Variants in BMP2K observed in about 807,000 individuals in gnomAD.
The protein encoded by BMP2K is BMP-2-inducible protein kinase.
A neutral mutation model predicts 116.0 loss-of-function variants in BMP2K; 74 were observed. The observed-to-expected ratio is 0.64, with a 90% confidence interval of 0.53 to 0.77. BMP2K has a LOEUF of 0.77. BMP2K is among the 30% of genes least tolerant of loss of function. The pLI is 0.00. For synonymous variants in BMP2K, 486 were observed against 502.5 expected (o/e 0.97, Z 0.44); for missense variants, 1,365 against 1,403.6 (o/e 0.97, Z 0.44).
At chr4:78,820,973 T>G (rs1294012517) in intron 1 of BMP2K, among the ~76,000 whole-genome samples, 1 of 152,234 alleles carries the variant, frequency 6.6e-6, no homozygotes, top group African/African-American at 2.4e-5. Flanking sequence ...CTTTAACTTT[T>G]GATTTCTTTA....
rs562337165 is a variant in BMP2K, at chr4:78,796,335, A to G, written c.178+19614A>G. Among the ~76,000 whole-genome samples, 16 of 140,186 alleles carry G rather than the reference A, an allele frequency of 1.1e-4. No individual in the cohort carries two copies. In the East Asian group the frequency reaches 1.7e-3, roughly 15 times the overall value. The allele number at this position is 140,186 out of a possible 152,430, so 92.0% of individuals were successfully genotyped here. A position where few individuals can be genotyped will look rare whatever the true frequency, so the allele number is the denominator to read the frequency against. Reference sequence around the variant, plus strand: ...CTCACTCATAGGTGGGAATTAAACAATGAGAACACATGGACACAGGAAGGG... The same window carrying G: ...CTCACTCATAGGTGGGAATTAAACAGTGAGAACACATGGACACAGGAAGGG... On this transcript the variant is annotated intron_variant, in intron 1 of 15. Transcript: ENST00000502613.
chr4:78,887,807 A>T (rs1177580198), intron 15 of BMP2K, among the ~76,000 whole-genome samples: 1 of 152,216 alleles, frequency 6.6e-6, no homozygotes, highest in East Asian at 1.9e-4. Flanking sequence ...AGATACTAGG[A>T]TGGAATAGGA....
Position 78,875,505 on chromosome 4 carries a change from C to T in BMP2K, c.1793+2707C>T, listed in dbSNP as rs141334623. ...TTAAAATAAACATCATCTATGCATA[C>T]GTTATCTTCTTATGATATAATTGCC... On this transcript the variant is annotated intron_variant, in intron 13 of 15. Transcript: ENST00000502613. 4.5e-3 allele frequency among the ~76,000 whole-genome samples: 686 copies of T among 152,252 alleles called. 3 individuals carry two copies. The highest frequency in any genetic ancestry group is 0.016 in the African/African-American group (649 of 41,556).
At chr4:78,879,410 TTAAA>T in intron 14 of BMP2K, 1 of 985,868 alleles carries the variant, frequency 1.0e-6, no homozygotes, top group Non-Finnish European at 1.2e-6. Flanking sequence ...ATGGCAAAAA[TTAAA>T]TAAATTCTTT....
Position 78,911,933 on chromosome 4 carries a change from C to T in BMP2K, c.3386C>T (p.Thr1129Ile), listed in dbSNP as rs375862660. The change falls in exon 16 of 16, where the codon ACA becomes ATA. Residue 1129 changes from threonine (T) to isoleucine (I), a missense_variant. By Grantham distance (89) the Thr-to-Ile change is moderately conservative. Transcript: ENST00000502613. ...KMDDFGAVPF[T>I]ELVVQSITPH... ...GATGATTTTGGTGCCGTGCCCTTTA[C>T]AGAACTTGTGGTGCAAAGCATCACT... 9 of 1,613,872 alleles carry T rather than the reference C, an allele frequency of 5.6e-6. No individual in the cohort carries two copies. Among genetic ancestry groups the T allele is most frequent in the African/African-American group, 1.3e-5 (1 of 74,928 alleles).
chr4:78,869,271 G>T (rs1474011889), intron 10 of BMP2K, among the ~76,000 whole-genome samples: 2 of 151,978 alleles, frequency 1.3e-5, no homozygotes, highest in Non-Finnish European at 2.9e-5. Context: ...TGAGCTCTAC[G>T]TTGGCCCCTT....
At chr4:78,830,185 T>G (rs1320727736) in intron 2 of BMP2K, among the ~76,000 whole-genome samples, 1 of 152,194 alleles carries the variant, frequency 6.6e-6, no homozygotes, top group East Asian at 1.9e-4. Context: ...CCATCAGTAT[T>G]AATTTTTTTG....
chr4:78,873,261 TATAC>T (rs1255321778), intron 13 of BMP2K, among the ~76,000 whole-genome samples: 1 of 152,236 alleles, frequency 6.6e-6, no homozygotes, highest in Non-Finnish European at 1.5e-5. Context: ...TGATATATAG[TATAC>T]ATACTGTTAC....
At chr4:78,790,987 T>G (rs891688044) in intron 1 of BMP2K, among the ~76,000 whole-genome samples, 2 of 152,210 alleles carry the variant, frequency 1.3e-5, no homozygotes, top group African/African-American at 4.8e-5. Flanking sequence ...TGGCCATCTT[T>G]TCTCTCCCAT....
At chr4:78,852,525 C>T (rs990386256) in intron 7 of BMP2K, among the ~76,000 whole-genome samples, 3 of 152,034 alleles carry the variant, frequency 2.0e-5, no homozygotes, top group African/African-American at 7.2e-5. Flanking sequence ...TAATAAAGTA[C>T]AGATTTTAAA....
At chr4:78,873,702 G>A (rs13125525) in intron 13 of BMP2K, among the ~76,000 whole-genome samples, 22,450 of 148,648 alleles carry the variant, frequency 0.15, 1,887 homozygotes, top group South Asian at 0.27. Context: ...GTGTGTGTGT[G>A]TGTATGCATG....
intron 7 of BMP2K, among the ~76,000 whole-genome samples, chr4:78,857,507 A>G (rs1392657422): frequency 6.6e-6 from 1 of 152,128 alleles, no homozygotes; most frequent in Non-Finnish European, 1.5e-5. Context: ...GCTATGAAAG[A>G]AAACAAAACA....
intron 1 of BMP2K, among the ~76,000 whole-genome samples, chr4:78,803,376 T>C (rs1578479797): frequency 1.3e-5 from 2 of 152,128 alleles, no homozygotes; most frequent in African/African-American, 4.8e-5. Flanking sequence ...AGTAGCTTTA[T>C]TTTTGTTTCA....
Position 78,911,447 on chromosome 4 carries a change from A to G in BMP2K, c.2900A>G (p.Gln967Arg). Residue 967 changes from glutamine to arginine, a missense_variant, in exon 16 of 16, where the codon CAG (glutamine) becomes CGG (arginine). Around this residue, in one of 3 missense-constraint regions of BMP2K, gnomAD observed 596 missense variants for 623.2 expected, o/e 0.96. Transcript: ENST00000502613. ...TTTGATGAAATAACGGGGAGCCAGC[A>G]GCAAAAAGTCAAACAGCGCAGCTTA... ...VPFDEITGSQQQKVKQRSLQK... is the reference protein window; with the variant it reads ...VPFDEITGSQRQKVKQRSLQK... The G allele has an allele frequency of 6.2e-7, 1 of 1,614,076 alleles. No homozygotes were observed. Among genetic ancestry groups the G allele is most frequent in the South Asian group, 1.1e-5 (1 of 91,082 alleles).
chr4:78,892,747 A>C (rs1417400211), intron 15 of BMP2K, among the ~76,000 whole-genome samples: 1 of 152,208 alleles, frequency 6.6e-6, no homozygotes, highest in Non-Finnish European at 1.5e-5. Context: ...CAAAAGTTAC[A>C]TTTACGCTAT....
At chr4:78,841,384 G>A (rs143612808) in intron 3 of BMP2K, among the ~76,000 whole-genome samples, 281 of 152,152 alleles carry the variant, frequency 1.8e-3, no homozygotes, top group Middle Eastern at 0.01. Flanking sequence ...GATGATTAAC[G>A]TTTTGTTAAT....
chr4:78,848,199 A>G (rs1395655250), intron 6 of BMP2K, among the ~76,000 whole-genome samples: 1 of 151,580 alleles, frequency 6.6e-6, no homozygotes, highest in African/African-American at 2.4e-5. Flanking sequence ...TATATAACAT[A>G]TATACATTCA....
At chr4:78,787,761 T>C (rs1235133542) in intron 1 of BMP2K, among the ~76,000 whole-genome samples, 2 of 152,248 alleles carry the variant, frequency 1.3e-5, no homozygotes, top group African/African-American at 4.8e-5. Context: ...TGGAAAGACA[T>C]TTAGTTTGCT....
chr4:78,868,945 G>A lies in BMP2K; in HGVS notation c.1232-1838G>A, dbSNP rs184399648. ...CTTTTTCAGGCGCATGTTGCAAGCTGTAGGTGGATCTACTATTCTGGGGTC... is the reference window on the plus strand; with the variant it reads ...CTTTTTCAGGCGCATGTTGCAAGCTATAGGTGGATCTACTATTCTGGGGTC... On this transcript the variant is annotated intron_variant, in intron 10 of 15. Transcript: ENST00000502613. 2.8e-3 allele frequency among the ~76,000 whole-genome samples: 430 copies of A among 152,298 alleles called. 1 individual carries two copies. The highest frequency in any genetic ancestry group is 5.3e-3 in the Non-Finnish European group (358 of 68,018).
Sources: gnomAD v4.1 joint callset for allele counts (sites outside exome capture counted in the v4.1 genomes callset) on GRCh38, gnomAD v4.1.1 for gene constraint, gnomAD v4.1.1 regional missense constraint, MANE v1.5 for transcripts, NCBI Gene and HGNC (gene_info 2026-07-23, HGNC 2026-07-21) for gene names.